NDST4: variants seen among roughly 807,000 people sequenced by gnomAD.
NDST4 encodes the protein N-heparan sulfate sulfotransferase 4.
In NDST4, 63 loss-of-function variants were observed where a neutral mutation model predicts 100.8. The observed-to-expected ratio is 0.62, with a 90% CI of 0.51 to 0.77. The LOEUF is 0.77. NDST4 is among the 30% of genes least tolerant of loss of function. The pLI is 0.00. For missense variants in NDST4, 943 were observed against 1,018.4 expected (o/e 0.93, Z 1.01); for synonymous variants, 377 against 361.8 (o/e 1.04, Z -0.48).
intron 4 of NDST4, among the ~76,000 whole-genome samples, chr4:114,962,152 T>C (rs1726277563): frequency 6.6e-6 from 1 of 152,034 alleles, no homozygotes; most frequent in East Asian, 1.9e-4. Context: ...AAACAGAGAC[T>C]TCTTCAACTT....
chr4:114,851,384 ATTTG>A (rs1197269450), intron 8 of NDST4, among the ~76,000 whole-genome samples: 3 of 152,280 alleles, frequency 2.0e-5, no homozygotes, highest in East Asian at 1.9e-4. Context: ...TTAACATCTT[ATTTG>A]TTTGTTTGTC....
At chr4:114,949,978 T>A (rs192850513) in intron 4 of NDST4, among the ~76,000 whole-genome samples, 1 of 152,080 alleles carries the variant, frequency 6.6e-6, no homozygotes, top group African/African-American at 2.4e-5. Flanking sequence ...AAAGTACATG[T>A]AAGAATACTG....
At chr4:114,923,378 A>G (rs1329714164) in intron 6 of NDST4, among the ~76,000 whole-genome samples, 1 of 152,194 alleles carries the variant, frequency 6.6e-6, no homozygotes, top group African/African-American at 2.4e-5. Flanking sequence ...CATTCACTGT[A>G]CTTAAAAAAA....
chr4:114,996,969 A>T (rs28493518), intron 2 of NDST4, among the ~76,000 whole-genome samples: 2,474 of 152,200 alleles, frequency 0.016, 64 homozygotes, highest in African/African-American at 0.057. Context: ...AGGGTATTGT[A>T]TTAAATAGGT....
chr4:114,895,927 C>CCAAAGA (rs1483427196), intron 6 of NDST4, among the ~76,000 whole-genome samples: 5 of 152,032 alleles, frequency 3.3e-5, no homozygotes, highest in African/African-American at 1.2e-4. Context: ...ATAAATAGAA[C>CCAAAGA]CAAAGACAAA....
intron 2 of NDST4, among the ~76,000 whole-genome samples, chr4:114,984,063 CTG>C (rs1396537270): frequency 1.3e-5 from 2 of 152,166 alleles, no homozygotes; most frequent in Admixed American, 1.3e-4. Context: ...CCATGTAGAA[CTG>C]TGAGTGAATT....
chr4:115,058,082 C>T (rs1028181480), intron 2 of NDST4, among the ~76,000 whole-genome samples: 6 of 151,942 alleles, frequency 3.9e-5, no homozygotes, highest in African/African-American at 9.7e-5. Context: ...AATGAAATAT[C>T]GCTGACAAAA....
intron 2 of NDST4, among the ~76,000 whole-genome samples, chr4:115,040,195 A>C (rs1435156028): frequency 6.6e-6 from 1 of 151,286 alleles, no homozygotes; most frequent in Non-Finnish European, 1.5e-5. Context: ...ATGGTTTTTT[A>C]AGTTAAATTT....
At chr4:115,102,492 A>G (rs1371116284) in intron 1 of NDST4, among the ~76,000 whole-genome samples, 1 of 152,070 alleles carries the variant, frequency 6.6e-6, no homozygotes, top group Non-Finnish European at 1.5e-5. Flanking sequence ...TTTAATGCTA[A>G]TAGTATTGCA....
chr4:114,863,271 T>C (rs1723955427), intron 7 of NDST4, among the ~76,000 whole-genome samples: 1 of 152,280 alleles, frequency 6.6e-6, no homozygotes, highest in Non-Finnish European at 1.5e-5. Flanking sequence ...CCCTTCTTGA[T>C]AGCTGAGAAA....
At chr4:114,838,380 T>C (rs879475019) in intron 11 of NDST4, among the ~76,000 whole-genome samples, 5 of 152,216 alleles carry the variant, frequency 3.3e-5, no homozygotes, top group Non-Finnish European at 7.3e-5. Context: ...GTATGTTCAT[T>C]GCAGCACTAT....
chr4:114,870,677 A>G, intron 7 of NDST4, 91 bp downstream of exon 7: 1 of 1,002,534 alleles, frequency 1.0e-6, no homozygotes. Flanking sequence ...TTCCAGTTTT[A>G]ATATGTCCAG....
chr4:114,866,825 T>C (rs948595590), intron 7 of NDST4, among the ~76,000 whole-genome samples: 10 of 152,208 alleles, frequency 6.6e-5, no homozygotes, highest in African/African-American at 2.2e-4. Context: ...ATAAGTTCCA[T>C]GAAGGCAAGA....
intron 4 of NDST4, among the ~76,000 whole-genome samples, chr4:114,962,683 C>A (rs1274555044): frequency 2.6e-5 from 4 of 152,118 alleles, no homozygotes; most frequent in Non-Finnish European, 5.9e-5. Flanking sequence ...AATGAAAAGA[C>A]AACCCATGTT....
At chr4:115,084,549 T>G (rs1729370194) in intron 1 of NDST4, among the ~76,000 whole-genome samples, 2 of 152,260 alleles carry the variant, frequency 1.3e-5, no homozygotes, top group South Asian at 4.2e-4. Context: ...AATGGATTCA[T>G]GCACCAGGTC....
intron 1 of NDST4, among the ~76,000 whole-genome samples, chr4:115,091,758 T>C (rs1051529288): frequency 3.3e-5 from 5 of 152,292 alleles, no homozygotes; most frequent in African/African-American, 1.2e-4. Context: ...TGAAGTATAC[T>C]CAGATTAATC....
chr4:115,086,043 C>T (rs930581183), intron 1 of NDST4, among the ~76,000 whole-genome samples: 5 of 152,088 alleles, frequency 3.3e-5, no homozygotes, highest in African/African-American at 1.2e-4. Context: ...GAGCACTACT[C>T]AGTAGGGCAC....
intron 7 of NDST4, among the ~76,000 whole-genome samples, chr4:114,853,416 C>T (rs749770299): frequency 5.9e-5 from 9 of 152,114 alleles, no homozygotes; most frequent in Non-Finnish European, 1.2e-4. Flanking sequence ...GAGGAAATTT[C>T]AGACTCAACA....
intron 1 of NDST4, among the ~76,000 whole-genome samples, chr4:115,103,373 T>C (rs1729773927): frequency 6.6e-6 from 1 of 152,148 alleles, no homozygotes; most frequent in Non-Finnish European, 1.5e-5. Flanking sequence ...GAACCCACAT[T>C]TTTAAATTAA....
Sources: gnomAD v4.1 joint callset for allele counts (sites outside exome capture counted in the v4.1 genomes callset) on GRCh38, gnomAD v4.1.1 for gene constraint, MANE v1.5 for transcripts, NCBI Gene and HGNC (gene_info 2026-07-23, HGNC 2026-07-21) for gene names.